The following IPO8 variants were observed in gnomAD, a reference collection of about 807,000 sequenced individuals.
The protein encoded by IPO8 is importin-8.
A neutral mutation model predicts 141.2 loss-of-function variants in IPO8; 65 were observed. The observed-to-expected ratio is 0.46, with a 90% confidence interval of 0.38 to 0.57. The LOEUF (loss-of-function observed/expected upper bound fraction) is 0.57. IPO8 is among the 20% of genes least tolerant of loss of function. IPO8 has a pLI of 0.00. For synonymous variants in IPO8, 411 were observed against 420.3 expected (o/e 0.98, Z 0.27); for missense variants, 980 against 1,246.8 (o/e 0.79, Z 3.22).
At chr12:30,645,170 C>T (rs112351185) in intron 20 of IPO8, among the ~76,000 whole-genome samples, 162 of 151,612 alleles carry the variant, frequency 1.1e-3, no homozygotes, top group African/African-American at 3.8e-3. Context: ...GTCAGGAGTT[C>T]GAGATCAGCC....
chr12:30,673,441 T>C (rs991340277), intron 8 of IPO8, among the ~76,000 whole-genome samples: 1 of 152,206 alleles, frequency 6.6e-6, no homozygotes, highest in African/African-American at 2.4e-5. Flanking sequence ...CCACTTGTCC[T>C]TTGTAGCTTT....
At position 30,681,727 on chromosome 12, in the gene IPO8, C is replaced by T; in HGVS notation, c.414G>A (p.Leu138=). Residue 138 remains leucine, a synonymous_variant, in exon 4 of 25, where the codon TTG becomes TTA. Coordinates refer to ENST00000256079, the MANE Select transcript of IPO8 (RefSeq NM_006390.4). The part of the protein sequence containing the change: ...PGVVDKIDYY[L]QSQSSASWLG... The stretch of plus-strand genomic sequence containing the variant: ...GCCAGCTTGCACTGCTCTGTGATTG[C>T]AAGTAATAGTCTATCTTGTCGACCA... The T allele has an allele frequency of 1.2e-6, 2 of 1,613,810 alleles. No homozygotes were observed. The highest frequency in any genetic ancestry group is 1.3e-5 in the African/African-American group (1 of 75,024).
chr12:30,636,865 T>G (rs569210420), intron 22 of IPO8, 117 bp downstream of exon 22: 7 of 837,628 alleles, frequency 8.4e-6, no homozygotes, highest in Admixed American at 2.5e-5. Context: ...TTGTTATATG[T>G]GTAGCAGGCC....
chr12:30,667,797 A>G (rs2052988264), intron 10 of IPO8, among the ~76,000 whole-genome samples: 1 of 152,242 alleles, frequency 6.6e-6, no homozygotes, highest in Non-Finnish European at 1.5e-5. Context: ...TCAGATATGA[A>G]GAATATATAA....
chr12:30,655,374 A>G (rs1457579899), intron 17 of IPO8, among the ~76,000 whole-genome samples: 3 of 152,176 alleles, frequency 2.0e-5, no homozygotes, highest in African/African-American at 7.2e-5. Flanking sequence ...TGTATCTATG[A>G]TTTATACACC....
intron 24 of IPO8, 23 bp from the exon 25 acceptor site, chr12:30,630,980 G>T: frequency 6.3e-7 from 1 of 1,580,160 alleles, no homozygotes; most frequent in Non-Finnish European, 8.6e-7. Flanking sequence ...AAAAGAAAAG[G>T]GGAGAAGAAA....
intron 16 of IPO8, among the ~76,000 whole-genome samples, 152 bp downstream of exon 16, chr12:30,660,987 AAT>A (rs1022700540): frequency 7.0e-6 from 1 of 142,822 alleles, no homozygotes; most frequent in African/African-American, 2.6e-5. Context: ...CAGTCATTTT[AAT>A]ATGTTTCCAT....
chr12:30,687,956 C>T (rs536508337), intron 2 of IPO8, among the ~76,000 whole-genome samples: 1 of 152,110 alleles, frequency 6.6e-6, no homozygotes, highest in Admixed American at 6.5e-5. Flanking sequence ...ACATCTGTCA[C>T]CACTGATGAC....
chr12:30,678,320 G>A (rs2053148845), intron 5 of IPO8, among the ~76,000 whole-genome samples: 1 of 152,056 alleles, frequency 6.6e-6, no homozygotes, highest in African/African-American at 2.4e-5. Context: ...TTCCAGTCCT[G>A]CAAGTTCCAT....
At position 30,662,506 on chromosome 12, in the gene IPO8, C is replaced by A. The variant is rs781678158; in HGVS notation, c.1595-19G>T. 6.3e-7 allele frequency: 1 copy of A among 1,590,544 alleles called. No homozygotes were observed. The highest frequency in any genetic ancestry group is 1.1e-5 in the South Asian group (1 of 90,318). On this transcript the variant is annotated intron_variant, in intron 14 of 24. Transcript: ENST00000256079. Reference sequence around the variant, plus strand: ...TCCTTAGCTAATTCAATAAAACAAACAAAAGTAATAAAAATTACCATGCCC... The same window carrying A: ...TCCTTAGCTAATTCAATAAAACAAAAAAAAGTAATAAAAATTACCATGCCC...
intron 6 of IPO8, among the ~76,000 whole-genome samples, chr12:30,675,210 T>C (rs537851199): frequency 1.3e-5 from 2 of 152,352 alleles, no homozygotes; most frequent in Non-Finnish European, 2.9e-5. Context: ...AACTAAAATT[T>C]TAATAGATAC....
chr12:30,640,954 G>T (rs967763231), intron 20 of IPO8, among the ~76,000 whole-genome samples: 5 of 152,038 alleles, frequency 3.3e-5, no homozygotes, highest in Non-Finnish European at 4.4e-5. Context: ...ACATCACTAT[G>T]TATTCTATAA....
Position 30,631,883 on chromosome 12 carries a change from A to G in IPO8, c.3016+12T>C. ...ACACATGCACTCCACTCTGGAGGTTACTCTGGCTGACCTGCCACCGTCCGT... is the reference window on the plus strand; with the variant it reads ...ACACATGCACTCCACTCTGGAGGTTGCTCTGGCTGACCTGCCACCGTCCGT... On this transcript the variant is annotated intron_variant, in intron 24 of 24. Coordinates refer to ENST00000256079, the MANE Select transcript of IPO8 (RefSeq NM_006390.4). 1.3e-6 allele frequency: 2 copies of G among 1,580,732 alleles called. No individual in the cohort carries two copies. The highest frequency in any genetic ancestry group is 1.7e-6 in the Non-Finnish European group (2 of 1,152,654).
intron 5 of IPO8, among the ~76,000 whole-genome samples, chr12:30,679,772 C>A (rs887918811): frequency 6.6e-6 from 1 of 152,132 alleles, no homozygotes; most frequent in African/African-American, 2.4e-5. Context: ...CCTCTTCTCA[C>A]GACAAATTCA....
chr12:30,662,226 A>G, intron 15 of IPO8, 101 bp downstream of exon 15: 2 of 868,360 alleles, frequency 2.3e-6, no homozygotes, highest in East Asian at 2.5e-5. Context: ...GTTGTTAAGC[A>G]GCACATGACT....
rs1051659682 is a variant in IPO8, at chr12:30,663,423, T to G, written c.1594+66A>C. 15 of 1,394,666 alleles carry G rather than the reference T, an allele frequency of 1.1e-5. No homozygotes were observed. In the African/African-American group the frequency reaches 1.3e-4, roughly 12 times the overall value. 86.4% of individuals were successfully genotyped at this position (1,394,666 alleles called of 1,614,324 possible). A position where few individuals can be genotyped will look rare whatever the true frequency, so the allele number is the denominator to read the frequency against. The stretch of plus-strand genomic sequence containing the variant: ...CTGAACCCTCAGACATGGAGATGCA[T>G]CTTCATTAGGGAAGAAAGTAAATGA... On this transcript the variant is annotated intron_variant, in intron 14 of 24. Transcript: ENST00000256079.
intron 17 of IPO8, among the ~76,000 whole-genome samples, chr12:30,653,486 C>T (rs1212411567): frequency 6.6e-6 from 1 of 151,924 alleles, no homozygotes; most frequent in Non-Finnish European, 1.5e-5. Context: ...CTTTGGAGAG[C>T]TTAATTATAT....
rs1188761084 is a variant in IPO8 at position 30,676,551 on chromosome 12, T to C, written c.676A>G (p.Met226Val). ...CGGAAGATCTCCATCCATGTTGTCA[T>C]GGTTTGGTTATTCACTAGCTGAAGA... Reference protein sequence around the residue: ...LPLQLVNNQTMTTWMEIFRTI... With the variant: ...LPLQLVNNQTVTTWMEIFRTI... Residue 226 changes from methionine (M) to valine (V), a missense_variant, in exon 6 of 25, where the codon ATG (methionine) becomes GTG (valine). Coordinates refer to ENST00000256079, the MANE Select transcript of IPO8 (RefSeq NM_006390.4). 6.2e-7 allele frequency: 1 copy of C among 1,613,232 alleles called. No homozygotes were observed. The highest frequency in any genetic ancestry group is 8.5e-7 in the Non-Finnish European group (1 of 1,179,420).
chr12:30,637,199 G>T lies in IPO8; in HGVS notation c.2490-12C>A, dbSNP rs1591950680. On this transcript the variant is annotated splice_polypyrimidine_tract_variant and intron_variant, in intron 21 of 24. Transcript: ENST00000256079. ...TCCGGTCATGATGCCTGCAAATTTT[G>T]AAGAAAAAAAAAATGTAGACATGAG... 2.5e-6 allele frequency: 4 copies of T among 1,578,386 alleles called. No homozygotes were observed. The East Asian group carries it at 9.0e-5, about 35-fold the overall frequency.
Sources: gnomAD v4.1 joint callset for allele counts (sites outside exome capture counted in the v4.1 genomes callset) on GRCh38, gnomAD v4.1.1 for gene constraint, MANE v1.5 for transcripts, NCBI Gene and HGNC (gene_info 2026-07-23, HGNC 2026-07-21) for gene names.